Variants in PTN observed in about 807,000 individuals in gnomAD.
PTN encodes pleiotrophin, also known as heparin affin regulatory protein.
A neutral mutation model predicts 24.1 loss-of-function variants in PTN; 18 were observed. The observed-to-expected ratio is 0.75, with a 90% confidence interval of 0.52 to 1.11. The LOEUF (loss-of-function observed/expected upper bound fraction) is 1.11, where lower values mean the gene tolerates loss of function less well. Ranked by LOEUF, PTN falls within the 50% of genes least tolerant of loss-of-function variation. The pLI, the probability that PTN is intolerant of heterozygous loss-of-function variation, is 0.00. For missense variants in PTN, 163 were observed against 198.8 expected, an observed-to-expected ratio of 0.82 and a Z score of 1.08; for synonymous variants, 78 against 68.6, an observed-to-expected ratio of 1.14 and a Z score of -0.67.
chr7:137,244,351 G>A (rs1808684869), intron 4 of PTN, among the ~76,000 whole-genome samples: 1 of 150,274 alleles, frequency 6.7e-6, no homozygotes, highest in Non-Finnish European at 1.5e-5. Context: ...TATCAAAGTG[G>A]ATAGCTAAAA....
At chr7:137,246,068 C>T (rs1262361480) in intron 4 of PTN, among the ~76,000 whole-genome samples, 1 of 152,124 alleles carries the variant, frequency 6.6e-6, no homozygotes, top group African/African-American at 2.4e-5. Flanking sequence ...TGGTATTGTA[C>T]ACTAATGTCC....
intron 4 of PTN, among the ~76,000 whole-genome samples, chr7:137,230,829 C>T (rs910890879): frequency 2.0e-5 from 3 of 151,836 alleles, no homozygotes; most frequent in Admixed American, 6.6e-5. Flanking sequence ...GAAACTGAAA[C>T]ATTCACATTG....
chr7:137,325,272 A>G (rs1240328698), intron 1 of PTN: 1 of 152,232 alleles, frequency 6.6e-6, no homozygotes, highest in Non-Finnish European at 1.5e-5. Flanking sequence ...GGGATTGGAA[A>G]CCAGACAATA....
At chr7:137,329,099 T>C (rs560110533) in intron 1 of PTN, among the ~76,000 whole-genome samples, 3 of 152,294 alleles carry the variant, frequency 2.0e-5, no homozygotes, top group Admixed American at 6.5e-5. Flanking sequence ...CTGAGATACA[T>C]TTCCCTCATT....
chr7:137,237,076 C>A (rs541766127), intron 4 of PTN, among the ~76,000 whole-genome samples: 32 of 152,240 alleles, frequency 2.1e-4, no homozygotes, highest in African/African-American at 7.2e-4. Flanking sequence ...TGACTTGCAT[C>A]CCTCCTGAAA....
intron 1 of PTN, among the ~76,000 whole-genome samples, chr7:137,257,984 T>C (rs969316232): frequency 2.0e-5 from 3 of 152,150 alleles, no homozygotes; most frequent in African/African-American, 4.8e-5. Context: ...AACACACATA[T>C]ACACACACAT....
intron 1 of PTN, among the ~76,000 whole-genome samples, chr7:137,341,567 A>C (rs1012705337): frequency 2.0e-5 from 3 of 152,146 alleles, no homozygotes; most frequent in African/African-American, 7.2e-5. Context: ...CAGATAATTA[A>C]AAAGTCATGT....
intron 1 of PTN, among the ~76,000 whole-genome samples, chr7:137,303,856 C>T (rs1369868773): frequency 1.3e-5 from 2 of 152,016 alleles, no homozygotes; most frequent in Admixed American, 1.3e-4. Context: ...TACTAATAGC[C>T]TCTTCAGTGC....
intron 1 of PTN, among the ~76,000 whole-genome samples, chr7:137,316,322 C>A (rs568724974): frequency 3.2e-4 from 49 of 152,276 alleles, no homozygotes; most frequent in Non-Finnish European, 6.6e-4. Context: ...CATTTCTGTG[C>A]AAACTTGGAG....
chr7:137,313,207 G>T (rs963058349), intron 1 of PTN, among the ~76,000 whole-genome samples: 4 of 151,976 alleles, frequency 2.6e-5, no homozygotes, highest in Admixed American at 2.0e-4. Context: ...GTCTCGGCTT[G>T]CTCAATATCC....
intron 1 of PTN, among the ~76,000 whole-genome samples, chr7:137,338,984 A>G (rs903577956): frequency 1.3e-5 from 2 of 152,168 alleles, no homozygotes; most frequent in Non-Finnish European, 2.9e-5. Flanking sequence ...GGAAGGCGGG[A>G]AACTGAAATA....
chr7:137,294,477 T>A (rs979886733), intron 1 of PTN, among the ~76,000 whole-genome samples: 1 of 152,140 alleles, frequency 6.6e-6, no homozygotes, highest in African/African-American at 2.4e-5. Flanking sequence ...AGTTTCCTTT[T>A]AAAATTTAGA....
intron 1 of PTN, among the ~76,000 whole-genome samples, chr7:137,314,108 G>A (rs552773943): frequency 6.6e-6 from 1 of 152,236 alleles, no homozygotes; most frequent in Non-Finnish European, 1.5e-5. Context: ...GAAAATCTCA[G>A]TAGAAAGGCA....
intron 1 of PTN, chr7:137,324,594 T>A (rs1027510787): frequency 4.6e-5 from 7 of 151,682 alleles, no homozygotes; most frequent in Admixed American, 3.3e-4. Context: ...TGTAAGCTGA[T>A]GTTTTAAGCC....
Position 137,321,128 on chromosome 7 carries a change from T to C in PTN, c.-2+22311A>G, listed in dbSNP as rs79040836. On this transcript the variant is annotated intron_variant, in intron 1 of 4. Transcript: ENST00000348225. ...TCCCTTGCTATTGCCAAGCTTGTTTTCATGCTGCAGGTGGTACTGAATTAT... is the reference window on the plus strand; with the variant it reads ...TCCCTTGCTATTGCCAAGCTTGTTTCCATGCTGCAGGTGGTACTGAATTAT... 3.3e-3 allele frequency among the ~76,000 whole-genome samples: 499 copies of C among 152,300 alleles called. 1 individual carries two copies. The highest frequency in any genetic ancestry group is 0.011 in the African/African-American group (454 of 41,564).
At chr7:137,243,821 G>T (rs989098090) in intron 4 of PTN, among the ~76,000 whole-genome samples, 2 of 152,116 alleles carry the variant, frequency 1.3e-5, no homozygotes, top group Non-Finnish European at 2.9e-5. Context: ...AGCATTATAT[G>T]TGCTGAACAG....
At chr7:137,332,664 A>G (rs1034278858) in intron 1 of PTN, among the ~76,000 whole-genome samples, 7 of 152,218 alleles carry the variant, frequency 4.6e-5, no homozygotes, top group Non-Finnish European at 1.0e-4. Flanking sequence ...TCCCTGGAAC[A>G]TATCTAAAGA....
intron 1 of PTN, among the ~76,000 whole-genome samples, chr7:137,272,358 C>T (rs139431984): frequency 6.6e-6 from 1 of 152,330 alleles, no homozygotes; most frequent in Non-Finnish European, 1.5e-5. Context: ...TTTGCTCATG[C>T]TATCCTGTGT....
chr7:137,279,902 T>C (rs1414549529), intron 1 of PTN, among the ~76,000 whole-genome samples: 1 of 152,190 alleles, frequency 6.6e-6, no homozygotes, highest in South Asian at 2.1e-4. Flanking sequence ...AGACTTAAAC[T>C]GTGACTTTGA....
Sources: allele counts gnomAD v4.1 joint callset (sites outside exome capture counted in the v4.1 genomes callset), GRCh38; gene constraint gnomAD v4.1.1; transcripts MANE v1.5; gene names NCBI Gene and HGNC (gene_info 2026-07-23, HGNC 2026-07-21).